Variants in ZNF831 observed in about 807,000 individuals in gnomAD.
ZNF831 encodes the protein zinc finger protein 831.
ZNF831 carries 59 observed loss-of-function variants against 95.8 expected under a neutral mutation model. That is an observed-to-expected ratio of 0.62 (90% CI 0.50 to 0.77). The LOEUF is 0.77. ZNF831 is among the 30% of genes least tolerant of loss of function. The pLI, the probability that ZNF831 is intolerant of heterozygous loss-of-function variation, is 0.00. For synonymous variants in ZNF831, 961 were observed against 925.5 expected, an observed-to-expected ratio of 1.04 and a Z score of -0.70; for missense variants, 2,205 against 2,164.0, an observed-to-expected ratio of 1.02 and a Z score of -0.38.
intron 4 of ZNF831, among the ~76,000 whole-genome samples, chr20:59,219,817 C>T (rs1985959196): frequency 6.6e-6 from 1 of 152,122 alleles, no homozygotes; most frequent in Non-Finnish European, 1.5e-5. Flanking sequence ...TAATAGATTC[C>T]TGTAGAAACG....
chr20:59,233,756 C>T (rs980515324), intron 4 of ZNF831, among the ~76,000 whole-genome samples: 1 of 152,178 alleles, frequency 6.6e-6, no homozygotes, highest in Non-Finnish European at 1.5e-5. Flanking sequence ...AAACACATGA[C>T]AGGAATCAGG....
chr20:59,247,299 C>G (rs910758639), intron 4 of ZNF831, among the ~76,000 whole-genome samples: 1 of 152,150 alleles, frequency 6.6e-6, no homozygotes, highest in African/African-American at 2.4e-5. Flanking sequence ...CTTTTTCTTT[C>G]ATGCTATTTA....
chr20:59,130,480 G>T (rs1826028758), intron 1 of ZNF831, among the ~76,000 whole-genome samples: 1 of 152,128 alleles, frequency 6.6e-6, no homozygotes, highest in African/African-American at 2.4e-5. Context: ...CACATTGCTG[G>T]GGCGAGGCCC....
intron 2 of ZNF831, 33 bp from the exon 3 acceptor site, chr20:59,195,836 G>A (rs565041358): frequency 1.9e-6 from 3 of 1,600,494 alleles, no homozygotes; most frequent in East Asian, 2.2e-5. Context: ...AGGACTTTGA[G>A]TAATGTGATG....
At chr20:59,246,308 C>G (rs555487442) in intron 4 of ZNF831, among the ~76,000 whole-genome samples, 16 of 152,304 alleles carry the variant, frequency 1.1e-4, no homozygotes, top group African/African-American at 3.4e-4. Context: ...TCATAGTGCT[C>G]TGAAATTGCT....
chr20:59,161,272 CTTTGTTTTTT>C (rs969326668), upstream of ZNF831, among the ~76,000 whole-genome samples: 3 of 147,514 alleles, frequency 2.0e-5, no homozygotes, highest in Middle Eastern at 3.2e-3. Context: ...CTCTCACTGT[CTTTGTTTTTT>C]TTTGTTTTTT....
chr20:59,163,015 GT>G (rs1568732533), upstream of ZNF831, among the ~76,000 whole-genome samples: 12 of 69,846 alleles, frequency 1.7e-4, no homozygotes, highest in East Asian at 7.1e-4. Context: ...GTATTCCTAG[GT>G]GTGTGTGTGT....
intron 4 of ZNF831, among the ~76,000 whole-genome samples, chr20:59,232,486 G>C (rs1986778561): frequency 6.8e-6 from 1 of 147,422 alleles, no homozygotes; most frequent in African/African-American, 2.5e-5. Context: ...CCCAGAGTCC[G>C]CCTCAGCCCT....
rs1367564688 is a variant in ZNF831 at position 59,192,120 on chromosome 20, G to C, written c.1101G>C (p.Ser367=). The C allele has an allele frequency of 1.8e-5, 28 of 1,577,734 alleles. No homozygotes were observed. Among genetic ancestry groups the C allele is most frequent in the Non-Finnish European group, 2.2e-5 (26 of 1,167,544 alleles). ...CCTGCAGCCCCCTGCACAGCCTTTC[G>C]GAGCACAGCGCCGAGTCCGAGGGGG... ...HAPCSPLHSL[S]EHSAESEGEG... The change falls in exon 2 of 6, where the codon TCG becomes TCC. Residue 367 remains serine, a synonymous_variant. Transcript: ENST00000371030. The surrounding 1 kb of genome is among the most constrained non-coding windows in gnomAD (Gnocchi z 5.2).
Position 59,194,308 on chromosome 20 carries a change from T to C in ZNF831, c.3289T>C (p.Trp1097Arg). The C allele has an allele frequency of 6.2e-7, 1 of 1,613,918 alleles. No homozygotes were observed. Among genetic ancestry groups the C allele is most frequent in the Non-Finnish European group, 8.5e-7 (1 of 1,179,996 alleles). The change falls in exon 2 of 6, where the codon TGG becomes CGG. Residue 1097 changes from tryptophan to arginine, a missense_variant. Transcript: ENST00000371030. ...ARLSGDVLNPWVPNWELGEPP... is the reference protein window; with the variant it reads ...ARLSGDVLNPRVPNWELGEPP... ...GCTCTCTGGGGATGTCCTGAATCCC[T>C]GGGTACCCAACTGGGAGCTGGGGGA...
intron 2 of ZNF831, among the ~76,000 whole-genome samples, chr20:59,156,573 T>C (rs1046201888): frequency 3.9e-5 from 6 of 152,116 alleles, no homozygotes; most frequent in Non-Finnish European, 7.3e-5. Flanking sequence ...AAATGTTAAA[T>C]AGGCAAAACG....
rs2146574298 is a variant in ZNF831, at chr20:59,192,928, G to A, written c.1909G>A (p.Ala637Thr). 1.2e-6 allele frequency: 2 copies of A among 1,600,952 alleles called. No homozygotes were observed. Among genetic ancestry groups the A allele is most frequent in the East Asian group, 2.2e-5 (1 of 44,870 alleles). ...TFKRIYQKMK[A>T]SPHGGKKARE... Reference sequence around the variant, plus strand: ...CAAAAGGATCTACCAGAAAATGAAAGCCAGTCCCCATGGAGGCAAGAAAGC... The same window carrying A: ...CAAAAGGATCTACCAGAAAATGAAAACCAGTCCCCATGGAGGCAAGAAAGC... Residue 637 changes from alanine (A) to threonine (T), a missense_variant, in exon 2 of 6, where the codon GCC (alanine) becomes ACC (threonine). Coordinates refer to ENST00000371030, the MANE Select transcript of ZNF831 (RefSeq NM_178457.3). The surrounding 1 kb of genome is among the most constrained non-coding windows in gnomAD (Gnocchi z 5.2).
At chr20:59,226,145 A>G (rs1175220462) in intron 4 of ZNF831, among the ~76,000 whole-genome samples, 1 of 152,190 alleles carries the variant, frequency 6.6e-6, no homozygotes, top group Non-Finnish European at 1.5e-5. Context: ...CAAGAGATGA[A>G]AAGGAGTGGT....
intron 4 of ZNF831, among the ~76,000 whole-genome samples, chr20:59,222,085 GCCT>G (rs1986113887): frequency 6.6e-6 from 1 of 152,094 alleles, no homozygotes; most frequent in African/African-American, 2.4e-5. Context: ...TTTTCTTTCT[GCCT>G]CCTCCTGTCT....
At chr20:59,228,693 T>C (rs1355933844) in intron 4 of ZNF831, among the ~76,000 whole-genome samples, 1 of 152,156 alleles carries the variant, frequency 6.6e-6, no homozygotes, top group Admixed American at 6.5e-5. Context: ...AAAAGTGATA[T>C]ATATTAGTTG....
chr20:59,125,646 T>A (rs1218980448), intron 1 of ZNF831, among the ~76,000 whole-genome samples: 1 of 152,162 alleles, frequency 6.6e-6, no homozygotes, highest in Non-Finnish European at 1.5e-5. Context: ...GATTTTGAAA[T>A]CTCAGCTGTG....
At chr20:59,167,610 A>C (rs1000004268) in intron 1 of ZNF831, among the ~76,000 whole-genome samples, 1 of 151,710 alleles carries the variant, frequency 6.6e-6, no homozygotes, top group Admixed American at 6.6e-5. Flanking sequence ...TGTTTTAAAT[A>C]TTTTGAGTTA....
At chr20:59,159,250 G>A (rs1368039669), upstream of ZNF831, among the ~76,000 whole-genome samples, 1 of 151,968 alleles carries the variant, frequency 6.6e-6, no homozygotes, top group African/African-American at 2.4e-5. Flanking sequence ...TGGTGGGGCT[G>A]AGATAAGGAC....
intron 1 of ZNF831, among the ~76,000 whole-genome samples, chr20:59,187,773 G>T (rs1983177870): frequency 6.6e-6 from 1 of 152,156 alleles, no homozygotes; most frequent in South Asian, 2.1e-4. Context: ...ACCCCAGAAG[G>T]AAACGTTGTA....
Sources: allele counts gnomAD v4.1 joint callset (sites outside exome capture counted in the v4.1 genomes callset), GRCh38; gene constraint gnomAD v4.1.1; non-coding constraint Gnocchi (gnomAD v3.1); transcripts MANE v1.5; gene names NCBI Gene and HGNC (gene_info 2026-07-23, HGNC 2026-07-21).